Variants in ICA1 observed in about 807,000 individuals in gnomAD.
ICA1 encodes 69 kDa islet cell autoantigen.
In ICA1, 40 loss-of-function variants were observed where a neutral mutation model predicts 71.0. That is an observed-to-expected ratio of 0.56 (90% confidence interval 0.44 to 0.73). The LOEUF (loss-of-function observed/expected upper bound fraction) is 0.73. Among genes scored for constraint, ICA1 ranks in the 30% least tolerant of loss-of-function variants. The probability of loss-of-function intolerance (pLI) is 0.00; values close to 1 mark genes in which losing one functional copy is unlikely to be tolerated. For synonymous variants in ICA1, 207 were observed against 209.5 expected (o/e 0.99, Z 0.10); for missense variants, 578 against 576.5 (o/e 1.00, Z -0.03).
intron 6 of ICA1, among the ~76,000 whole-genome samples, chr7:8,175,960 G>T (rs1010911459): frequency 6.6e-6 from 1 of 152,144 alleles, no homozygotes; most frequent in Non-Finnish European, 1.5e-5. Flanking sequence ...TTCCATGGAC[G>T]GCAAAGGGGA....
chr7:8,170,767 T>C (rs570009889), intron 6 of ICA1, among the ~76,000 whole-genome samples: 1 of 152,166 alleles, frequency 6.6e-6, no homozygotes, highest in Non-Finnish European at 1.5e-5. Context: ...GTACACATGC[T>C]GTCCAAGAAT....
intron 1 of ICA1, among the ~76,000 whole-genome samples, chr7:8,240,781 G>A (rs1803543247): frequency 6.6e-6 from 1 of 152,196 alleles, no homozygotes; most frequent in African/African-American, 2.4e-5. Context: ...AGCTTCAACA[G>A]CTGATTCAAT....
intron 1 of ICA1, among the ~76,000 whole-genome samples, chr7:8,249,608 A>T (rs1378352245): frequency 6.6e-6 from 1 of 152,210 alleles, no homozygotes; most frequent in Non-Finnish European, 1.5e-5. Context: ...CATGTCTCTC[A>T]GATTTAGCTT....
intron 1 of ICA1, among the ~76,000 whole-genome samples, chr7:8,244,005 T>G (rs566594720): frequency 2.0e-5 from 3 of 152,116 alleles, no homozygotes; most frequent in Non-Finnish European, 4.4e-5. Flanking sequence ...AGGTAATTTA[T>G]AGATTCAATG....
At chr7:8,238,344 G>A (rs1275735244) in intron 1 of ICA1, among the ~76,000 whole-genome samples, 1 of 152,192 alleles carries the variant, frequency 6.6e-6, no homozygotes, top group Non-Finnish European at 1.5e-5. Flanking sequence ...GAAGCATTGT[G>A]AGGTGATATC....
chr7:8,120,364 C>G (rs1197772737), intron 13 of ICA1, among the ~76,000 whole-genome samples: 1 of 152,194 alleles, frequency 6.6e-6, no homozygotes, highest in Non-Finnish European at 1.5e-5. Flanking sequence ...CAACCTCATT[C>G]ATATCACTTT....
chr7:8,163,147 C>A (rs1340237927), intron 6 of ICA1, among the ~76,000 whole-genome samples: 2 of 152,190 alleles, frequency 1.3e-5, no homozygotes, highest in Admixed American at 6.5e-5. Context: ...GAGAAAGGAG[C>A]AATGATTTGA....
intron 6 of ICA1, among the ~76,000 whole-genome samples, chr7:8,167,951 G>C (rs1055190083): frequency 6.6e-6 from 1 of 152,136 alleles, no homozygotes; most frequent in Non-Finnish European, 1.5e-5. Context: ...ATTTCTTGTG[G>C]TGTAAGGAAC....
rs1189897279 is a variant in ICA1, at chr7:8,259,226, T to A, written c.-80+2868A>T. On this transcript the variant is annotated intron_variant, in intron 1 of 13. Transcript: ENST00000402384. Reference sequence around the variant, plus strand: ...TGTTAAAATGGAGATTTGAATTCACTGGGTCTGGAAGAGAGTAGCAGGCAC... The same window carrying A: ...TGTTAAAATGGAGATTTGAATTCACAGGGTCTGGAAGAGAGTAGCAGGCAC... Among the ~76,000 whole-genome samples the A allele has an allele frequency of 3.9e-5, 6 of 152,348 alleles. No homozygotes were observed. The East Asian group carries it at 9.6e-4, about 24-fold the overall frequency.
chr7:8,198,505 T>A (rs2128321162), intron 6 of ICA1, among the ~76,000 whole-genome samples: 1 of 152,264 alleles, frequency 6.6e-6, no homozygotes, highest in Non-Finnish European at 1.5e-5. Context: ...GAGACGTTGA[T>A]GTGGTTGGAT....
At chr7:8,189,399 G>T (rs1332116275) in intron 6 of ICA1, among the ~76,000 whole-genome samples, 5 of 152,326 alleles carry the variant, frequency 3.3e-5, no homozygotes, top group African/African-American at 1.2e-4. Context: ...GTTGGGTTTA[G>T]TGCTAGAGCT....
At chr7:8,178,535 T>G (rs1010244125) in intron 6 of ICA1, among the ~76,000 whole-genome samples, 1 of 152,116 alleles carries the variant, frequency 6.6e-6, no homozygotes, top group African/African-American at 2.4e-5. Flanking sequence ...GCTTCTATTT[T>G]TATAGTCTGA....
chr7:8,224,901 T>C (rs772474495), intron 4 of ICA1, among the ~76,000 whole-genome samples: 43 of 152,196 alleles, frequency 2.8e-4, no homozygotes, highest in South Asian at 4.1e-4. Flanking sequence ...GTTACAGATA[T>C]TTGGGAAGGA....
rs576023208 is a variant in ICA1, at chr7:8,210,701, G to C, written c.579+7604C>G. Among the ~76,000 whole-genome samples the C allele has an allele frequency of 2.9e-3, 442 of 151,846 alleles. 2 individuals carry two copies. The highest frequency in any genetic ancestry group is 0.011 in the South Asian group (52 of 4,792). The stretch of plus-strand genomic sequence containing the variant: ...GGGTTGTCTAACCATTATAGCCAAA[G>C]GAAAAAAATTTTTTTTAATGTTTTA... On this transcript the variant is annotated intron_variant, in intron 6 of 13. Transcript: ENST00000402384.
At chr7:8,162,373 C>A (rs745873928) in intron 6 of ICA1, among the ~76,000 whole-genome samples, 9 of 152,182 alleles carry the variant, frequency 5.9e-5, no homozygotes, top group African/African-American at 7.2e-5. Context: ...AAATGCTGAG[C>A]CCTTTCCCTG....
chr7:8,113,796 T>G lies in ICA1; in HGVS notation c.*127A>C. 8.0e-6 allele frequency: 8 copies of G among 1,004,070 alleles called. No individual in the cohort carries two copies. Among genetic ancestry groups the G allele is most frequent in the Non-Finnish European group, 1.2e-5 (8 of 657,316 alleles). The allele number at this position is 1,004,070 out of a possible 1,614,324, so 62.2% of individuals were successfully genotyped here. The stretch of plus-strand genomic sequence containing the variant: ...ATTATACCAATATAAACAGGGCCGT[T>G]GACCCTTTCATTTTATTAAAATGGC... On this transcript the variant is annotated 3_prime_UTR_variant, in exon 14 of 14. Coordinates refer to ENST00000402384, the MANE Select transcript of ICA1 (RefSeq NM_001136020.3). This position sits in a 1 kb window ranked among gnomAD's most constrained non-coding sequence, Gnocchi z 4.2.
chr7:8,138,425 C>T (rs1370374721), intron 12 of ICA1, among the ~76,000 whole-genome samples: 6 of 152,172 alleles, frequency 3.9e-5, no homozygotes, highest in Non-Finnish European at 8.8e-5. Flanking sequence ...GACAATAACC[C>T]ACCAAGGCCG....
At chr7:8,209,445 C>T (rs551003705) in intron 6 of ICA1, among the ~76,000 whole-genome samples, 3 of 152,250 alleles carry the variant, frequency 2.0e-5, no homozygotes, top group Admixed American at 2.0e-4. Context: ...AATGACTCCT[C>T]GCTTGCATAC....
intron 8 of ICA1, chr7:8,156,914 T>C (rs1452596480): frequency 6.6e-7 from 1 of 1,525,616 alleles, no homozygotes; most frequent in South Asian, 1.3e-5. Context: ...CTCATTGTAT[T>C]GAATCCTGAT....
Sources: allele counts gnomAD v4.1 joint callset (sites outside exome capture counted in the v4.1 genomes callset), GRCh38; gene constraint gnomAD v4.1.1; non-coding constraint Gnocchi (gnomAD v3.1); transcripts MANE v1.5; gene names NCBI Gene and HGNC (gene_info 2026-07-23, HGNC 2026-07-21).